The following SEMA5B variants were observed in gnomAD, a reference collection of about 807,000 sequenced individuals.
SEMA5B encodes the protein semaphorin-5B.
In SEMA5B, 66 loss-of-function variants were observed where a neutral mutation model predicts 135.0. The observed-to-expected ratio is 0.49, with a 90% CI of 0.40 to 0.60. The LOEUF is 0.60. SEMA5B is among the 20% of genes least tolerant of loss of function. The probability of loss-of-function intolerance (pLI) is 0.00; values close to 1 mark genes in which losing one functional copy is unlikely to be tolerated. For missense variants in SEMA5B, 1,501 were observed against 1,566.3 expected, an observed-to-expected ratio of 0.96 and a Z score of 0.70; for synonymous variants, 690 against 639.5, an observed-to-expected ratio of 1.08 and a Z score of -1.19.
In SEMA5B at chr3:122,954,519, G is replaced by A. The variant is rs538362642; in HGVS notation, c.125-5810C>T. Among the ~76,000 whole-genome samples, 5 of 152,346 alleles carry A rather than the reference G, an allele frequency of 3.3e-5. No individual in the cohort carries two copies. The South Asian group carries it at 1.0e-3, about 32-fold the overall frequency. ...GAGCCTCTGCTTCATGAGGGCAGGA[G>A]GCAACCTGCCCTGCTCAAAACTTTT... On this transcript the variant is annotated intron_variant, in intron 2 of 22. Transcript: ENST00000357599.
intron 5 of SEMA5B, among the ~76,000 whole-genome samples, chr3:122,937,743 C>A (rs1418188679): frequency 6.6e-6 from 1 of 152,202 alleles, no homozygotes; most frequent in Non-Finnish European, 1.5e-5. Context: ...ACTCAGTCAT[C>A]AAGCGCAGTC....
chr3:122,917,666 G>A (rs569354556), intron 12 of SEMA5B, among the ~76,000 whole-genome samples: 26 of 152,318 alleles, frequency 1.7e-4, no homozygotes, highest in African/African-American at 6.0e-4. Flanking sequence ...CCAACCCGCA[G>A]CCTCATATAA....
At position 122,921,988 on chromosome 3, in the gene SEMA5B, C is replaced by T. The variant is rs1224689253; in HGVS notation, c.1615G>A (p.Ala539Thr). ...CCGTCTCTCAGCCCCACGAAGAGCG[C>T]GCGGGCGCTGTGCAGGATGCGCAGG... ...RSLRILHSAR[A>T]LFVGLRDGVL... The change falls in exon 12 of 23, where the codon GCG becomes ACG. Residue 539 changes from alanine (A) to threonine (T), a missense_variant. This residue lies in a region of SEMA5B where 927 missense variants were observed against 881.6 expected (regional missense o/e 1.05). Transcript: ENST00000357599. 1 of 1,535,012 alleles carries T rather than the reference C, an allele frequency of 6.5e-7. No homozygotes were observed. The highest frequency in any genetic ancestry group is 2.5e-5 in the East Asian group (1 of 40,708).
intron 5 of SEMA5B, among the ~76,000 whole-genome samples, chr3:122,931,529 G>T (rs1938970387): frequency 6.6e-6 from 1 of 152,018 alleles, no homozygotes; most frequent in Non-Finnish European, 1.5e-5. Flanking sequence ...TATTGAAAGT[G>T]CTCTTATTCA....
At chr3:123,001,314 C>T (rs562901112) in intron 1 of SEMA5B, among the ~76,000 whole-genome samples, 2 of 152,242 alleles carry the variant, frequency 1.3e-5, no homozygotes, top group African/African-American at 4.8e-5. Flanking sequence ...TGAGGAGCAG[C>T]AGGCGTATCA....
chr3:122,984,369 A>T (rs1168747581), intron 1 of SEMA5B, among the ~76,000 whole-genome samples: 1 of 152,254 alleles, frequency 6.6e-6, no homozygotes, highest in Non-Finnish European at 1.5e-5. Flanking sequence ...TCTGGGCAGC[A>T]GGGGTGGCCT....
intron 2 of SEMA5B, among the ~76,000 whole-genome samples, chr3:122,950,144 A>G (rs895318244): frequency 3.9e-5 from 6 of 152,268 alleles, no homozygotes; most frequent in South Asian, 2.1e-4. Context: ...AAGAATATAC[A>G]TACAAACAAG....
chr3:122,922,349 C>A lies in SEMA5B; in HGVS notation c.1371G>T (p.Pro457=), dbSNP rs142668051. 5 of 1,613,388 alleles carry A rather than the reference C, an allele frequency of 3.1e-6. No homozygotes were observed. In the African/African-American group the frequency reaches 6.7e-5, roughly 22 times the overall value. The change falls in exon 11 of 23, where the codon CCG becomes CCT. Residue 457 remains proline (P), a synonymous_variant. Coordinates refer to ENST00000357599, the MANE Select transcript of SEMA5B (RefSeq NM_001031702.4). Reference sequence around the variant, plus strand: ...GGGTGACACAGGGCTCGGGTGTCACCGGCTGCACGGCCTCGCTCATCAGGA... The same window carrying A: ...GGGTGACACAGGGCTCGGGTGTCACAGGCTGCACGGCCTCGCTCATCAGGA... ...RLFLMSEAVQ[P]VTPEPCVTQD...
intron 1 of SEMA5B, among the ~76,000 whole-genome samples, chr3:122,966,001 T>C (rs1180954596): frequency 1.3e-5 from 2 of 152,158 alleles, no homozygotes; most frequent in Admixed American, 6.5e-5. Flanking sequence ...TTGGCACAGG[T>C]GGCCCAGCGA....
chr3:122,943,483 G>A lies in SEMA5B; in HGVS notation c.381C>T (p.Ser127=). 6.2e-7 allele frequency: 1 copy of A among 1,610,502 alleles called. No individual in the cohort carries two copies. Among genetic ancestry groups the A allele is most frequent in the Non-Finnish European group, 8.5e-7 (1 of 1,178,996 alleles). Residue 127 remains serine (S), a synonymous_variant, in exon 4 of 23, where the codon TCC becomes TCT. Transcript: ENST00000357599. ...TCCCGGAGGGGTCCAAAGCCAGCTG[G>A]GAGAAATCCCGGGCTCCAGGGTAGG... is the stretch of plus-strand genomic sequence containing the variant. ...NFTYPGARDF[S]QLALDPSGNQ...
intron 1 of SEMA5B, chr3:122,976,019 C>G: frequency 6.5e-7 from 1 of 1,535,154 alleles, no homozygotes; most frequent in South Asian, 1.2e-5. Context: ...TTCGCTTCTG[C>G]TTGCCCGTCC....
chr3:122,927,182 C>A lies in SEMA5B; in HGVS notation c.851-505G>T, dbSNP rs946419885. 2.0e-5 allele frequency among the ~76,000 whole-genome samples: 3 copies of A among 152,090 alleles called. No homozygotes were observed. In the East Asian group the frequency reaches 5.8e-4, roughly 29 times the overall value. On this transcript the variant is annotated intron_variant, in intron 8 of 22. Transcript: ENST00000357599. ...GGAAACTCATATGGCCCTTTCCATA[C>A]CCTCCCTCTCTTTCTTTTTTAAGAG...
intron 20 of SEMA5B, 35 bp from the exon 21 acceptor site, chr3:122,911,570 G>C (rs761440268): frequency 6.3e-7 from 1 of 1,592,166 alleles, no homozygotes; most frequent in Non-Finnish European, 8.6e-7. Context: ...TGTCAGGGGC[G>C]GAGACGAGAG....
At chr3:122,939,513 C>T in intron 4 of SEMA5B, 43 bp from the exon 5 acceptor site, 1 of 1,541,276 alleles carries the variant, frequency 6.5e-7, no homozygotes, top group Non-Finnish European at 9.0e-7. Flanking sequence ...GCTGGTTCTG[C>T]AGGCAGGACC....
intron 2 of SEMA5B, among the ~76,000 whole-genome samples, chr3:122,955,375 G>A (rs1251941110): frequency 6.6e-6 from 1 of 152,168 alleles, no homozygotes; most frequent in Non-Finnish European, 1.5e-5. Flanking sequence ...CCACAAAGTA[G>A]GCATTGTATA....
intron 12 of SEMA5B, among the ~76,000 whole-genome samples, chr3:122,919,310 A>G (rs961721300): frequency 6.6e-6 from 1 of 152,160 alleles, no homozygotes; most frequent in African/African-American, 2.4e-5. Context: ...TGCTGGAAGG[A>G]GGAAAGGGGT....
At chr3:122,987,609 G>T (rs986518539) in intron 1 of SEMA5B, among the ~76,000 whole-genome samples, 1 of 152,228 alleles carries the variant, frequency 6.6e-6, no homozygotes, top group Non-Finnish European at 1.5e-5. Flanking sequence ...GGCTCGGAAA[G>T]GGCAGGAGTG....
intron 1 of SEMA5B, among the ~76,000 whole-genome samples, chr3:123,004,761 G>A (rs6778826): frequency 0.74 from 112,744 of 152,160 alleles, 43,209 homozygotes; most frequent in African/African-American, 0.93. Context: ...CCTCATTTCC[G>A]GTGAACAAAT....
At chr3:122,967,885 C>T (rs1940938941) in intron 1 of SEMA5B, among the ~76,000 whole-genome samples, 1 of 152,250 alleles carries the variant, frequency 6.6e-6, no homozygotes, top group South Asian at 2.1e-4. Flanking sequence ...CAAGACTAAG[C>T]TCTGCAGACT....
Sources: gnomAD v4.1 joint callset for allele counts (sites outside exome capture counted in the v4.1 genomes callset) on GRCh38, gnomAD v4.1.1 for gene constraint, gnomAD v4.1.1 regional missense constraint, MANE v1.5 for transcripts, NCBI Gene and HGNC (gene_info 2026-07-23, HGNC 2026-07-21) for gene names.